The following WBP2 variants were observed in gnomAD, a reference collection of about 807,000 sequenced individuals.
The protein encoded by WBP2 is WW domain-binding protein 2.
A neutral mutation model predicts 33.0 loss-of-function variants in WBP2; 23 were observed. The ratio of observed to expected loss-of-function variants is 0.70; its 90% confidence interval spans 0.50 to 0.99. The LOEUF (loss-of-function observed/expected upper bound fraction) is 0.99, where lower values mean the gene tolerates loss of function less well. WBP2 is among the 50% of genes least tolerant of loss of function. The pLI is 0.00. For missense variants in WBP2, 353 were observed against 358.0 expected, an observed-to-expected ratio of 0.99 and a Z score of 0.11; for synonymous variants, 153 against 133.5, an observed-to-expected ratio of 1.15 and a Z score of -1.01.
upstream of WBP2, chr17:75,855,371 GTCT>G (rs2065052764): frequency 1.9e-6 from 3 of 1,557,824 alleles, no homozygotes; most frequent in Non-Finnish European, 2.6e-6. Flanking sequence ...CCCTAGTGGC[GTCT>G]TCTTATTAGA....
intron 1 of WBP2, among the ~76,000 whole-genome samples, chr17:75,854,509 G>A (rs1223035342): frequency 6.6e-6 from 1 of 152,162 alleles, no homozygotes; most frequent in Non-Finnish European, 1.5e-5. Context: ...TCTGCCTTCC[G>A]AGGTGACCCA....
chr17:75,848,535 G>T, intron 4 of WBP2, 35 bp downstream of exon 4: 3 of 1,589,232 alleles, frequency 1.9e-6, no homozygotes, highest in Non-Finnish European at 2.6e-6. Flanking sequence ...CATGTTTAGT[G>T]TGTCTTTAGC....
At chr17:75,849,810 C>G in intron 2 of WBP2, 71 bp from the exon 3 acceptor site, 1 of 1,573,040 alleles carries the variant, frequency 6.4e-7, no homozygotes, top group Non-Finnish European at 8.7e-7. Flanking sequence ...CCGCCTGCTT[C>G]CTGGGAGTGA....
chr17:75,849,844 T>A, intron 2 of WBP2, 105 bp from the exon 3 acceptor site: 1 of 1,458,324 alleles, frequency 6.9e-7, no homozygotes, highest in Non-Finnish European at 9.3e-7. Flanking sequence ...AGTGCCAGGG[T>A]CCAGCAGCCC....
chr17:75,849,655 G>C lies in WBP2; in HGVS notation c.253C>G (p.Pro85Ala). 1 of 1,614,190 alleles carries C rather than the reference G, an allele frequency of 6.2e-7. No individual in the cohort carries two copies. The highest frequency in any genetic ancestry group is 8.5e-7 in the Non-Finnish European group (1 of 1,180,028). Residue 85 changes from proline (P) to alanine (A), a missense_variant, in exon 3 of 8, where the codon CCC becomes GCC. Physicochemically the swap from Pro to Ala is conservative, Grantham distance 27 (BLOSUM62 -1). Coordinates refer to ENST00000254806, the MANE Select transcript of WBP2 (RefSeq NM_012478.4). ...TTGATGTAGTTTGCACCAAATACGGGCTGCTTGATCTCACAGTCTTTCATG... is the reference window on the plus strand; with the variant it reads ...TTGATGTAGTTTGCACCAAATACGGCCTGCTTGATCTCACAGTCTTTCATG... ...YLMKDCEIKQ[P>A]VFGANYIKGT...
chr17:75,853,980 G>A (rs2065042534), intron 1 of WBP2, among the ~76,000 whole-genome samples: 1 of 149,118 alleles, frequency 6.7e-6, no homozygotes, highest in South Asian at 2.1e-4. Flanking sequence ...AGGAGGCGGA[G>A]GTTGCAGTGA....
upstream of WBP2, among the ~76,000 whole-genome samples, chr17:75,855,734 C>T (rs1011201563): frequency 4.6e-5 from 7 of 152,268 alleles, no homozygotes; most frequent in East Asian, 1.9e-4. Context: ...TAAGGGAAGT[C>T]CTGCTGGTCG....
At chr17:75,850,796 A>G (rs112251076) in intron 2 of WBP2, among the ~76,000 whole-genome samples, 48 of 151,938 alleles carry the variant, frequency 3.2e-4, no homozygotes, top group African/African-American at 1.0e-3. Flanking sequence ...TCCAGGCTCC[A>G]GTTATTCTCC....
At chr17:75,851,340 G>A in intron 2 of WBP2, 1 of 428,032 alleles carries the variant, frequency 2.3e-6, no homozygotes, top group Non-Finnish European at 4.4e-6. Context: ...CAGCGGCTCT[G>A]GAATTGACAT....
chr17:75,847,874 C>T lies in WBP2; in HGVS notation c.454G>A (p.Ala152Thr). ...AYGYSYMPSG[A>T]YVYPPPVANG... ...GCGACTGGCGGGGGATAGACATAGG[C>T]CCCGCTGGGCATGTAAGAGTAGCCA... is the stretch of plus-strand genomic sequence containing the variant. The change falls in exon 5 of 8, where the codon GCC becomes ACC. Residue 152 changes from alanine to threonine, a missense_variant. Ala to Thr is a moderately conservative substitution (Grantham distance 58). Transcript: ENST00000254806. 1 of 1,556,234 alleles carries T rather than the reference C, an allele frequency of 6.4e-7. No individual in the cohort carries two copies. The highest frequency in any genetic ancestry group is 1.9e-5 in the Admixed American group (1 of 51,438).
At chr17:75,850,008 G>A (rs543783335) in intron 2 of WBP2, among the ~76,000 whole-genome samples, 5 of 152,324 alleles carry the variant, frequency 3.3e-5, no homozygotes, top group Admixed American at 1.3e-4. Flanking sequence ...TGTCACTGAC[G>A]TGGTGGGGTG....
At chr17:75,850,698 TAA>T (rs1232102708) in intron 2 of WBP2, among the ~76,000 whole-genome samples, 1 of 152,112 alleles carries the variant, frequency 6.6e-6, no homozygotes, top group Non-Finnish European at 1.5e-5. Context: ...TCTTTGAGTC[TAA>T]GTCTTTTTTT....
Position 75,849,695 on chromosome 17 carries a change from C to G in WBP2, c.213G>C (p.Met71Ile). The G allele has an allele frequency of 6.2e-7, 1 of 1,614,186 alleles. No homozygotes were observed. Among genetic ancestry groups the G allele is most frequent in the South Asian group, 1.1e-5 (1 of 91,084 alleles). ...AGTCTTTCATGAGATAAAATGGCAT[C>G]ATGAAGGACTGCATGGCATCCTTGC... ...SKGKDAMQSF[M>I]MPFYLMKDCE... The change falls in exon 3 of 8, where the codon ATG becomes ATC. Residue 71 changes from methionine to isoleucine, a missense_variant. By Grantham distance (10) the Met-to-Ile change is conservative (BLOSUM62 1). Transcript: ENST00000254806.
rs771731567 is a variant in WBP2 at position 75,849,669 on chromosome 17, C to T, written c.239G>A (p.Cys80Tyr). The change falls in exon 3 of 8, where the codon TGT (cysteine) becomes TAT (tyrosine). Residue 80 changes from cysteine to tyrosine, a missense_variant. Coordinates refer to ENST00000254806, the MANE Select transcript of WBP2 (RefSeq NM_012478.4). ...ACCAAATACGGGCTGCTTGATCTCA[C>T]AGTCTTTCATGAGATAAAATGGCAT... is the stretch of plus-strand genomic sequence containing the variant. ...FMMPFYLMKD[C>Y]EIKQPVFGAN... 1.2e-5 allele frequency: 20 copies of T among 1,614,108 alleles called. No individual in the cohort carries two copies. In the South Asian group the frequency reaches 2.0e-4, roughly 16 times the overall value.
chr17:75,849,687 A>AATGGCATCATGAAGGACTGC lies in WBP2; in HGVS notation c.201_220dup (p.Phe74CysfsTer5). On this transcript the variant is annotated stop_gained and frameshift_variant, in exon 3 of 8. Transcript: ENST00000254806. LOFTEE classifies it high-confidence loss of function. ...GATCTCACAGTCTTTCATGAGATAA[A>AATGGCATCATGAAGGACTGC]ATGGCATCATGAAGGACTGCATGGC... 1 of 1,614,190 alleles carries AATGGCATCATGAAGGACTGC rather than the reference A, an allele frequency of 6.2e-7. No homozygotes were observed. The highest frequency in any genetic ancestry group is 8.5e-7 in the Non-Finnish European group (1 of 1,180,018).
chr17:75,853,434 C>T (rs1034602998), intron 1 of WBP2, among the ~76,000 whole-genome samples: 2 of 152,206 alleles, frequency 1.3e-5, no homozygotes, highest in East Asian at 3.8e-4. Context: ...CTTTCTAAAA[C>T]AGCAGGCTGA....
intron 6 of WBP2, chr17:75,847,256 A>G: frequency 1.4e-6 from 1 of 728,774 alleles, no homozygotes; most frequent in Non-Finnish European, 2.2e-6. Flanking sequence ...ATCGAGAGGC[A>G]CACAGGGTGA....
intron 5 of WBP2, 22 bp downstream of exon 5, chr17:75,847,774 G>A (rs770481902): frequency 6.5e-7 from 1 of 1,544,884 alleles, no homozygotes; most frequent in African/African-American, 1.4e-5. Context: ...AGGGGAGTGG[G>A]GGCAGCAAAG....
chr17:75,849,511 G>T (rs1244354004), intron 3 of WBP2, 93 bp downstream of exon 3: 1 of 1,513,824 alleles, frequency 6.6e-7, no homozygotes, highest in South Asian at 1.2e-5. Flanking sequence ...GGGCGATAAG[G>T]GTCTGAAGGG....
Sources: allele counts gnomAD v4.1 joint callset (sites outside exome capture counted in the v4.1 genomes callset), GRCh38; gene constraint gnomAD v4.1.1; transcripts MANE v1.5; gene names NCBI Gene and HGNC (gene_info 2026-07-23, HGNC 2026-07-21).